Variants in ALK observed in about 807,000 individuals in gnomAD.
ALK encodes ALK tyrosine kinase receptor.
ALK carries 74 observed loss-of-function variants against 163.1 expected under a neutral mutation model. That is an observed-to-expected ratio of 0.45 (90% CI 0.38 to 0.55). The LOEUF is 0.55. Among genes scored for constraint, ALK ranks in the 20% least tolerant of loss-of-function variants. The probability of loss-of-function intolerance (pLI) is 0.00; values close to 1 mark genes in which losing one functional copy is unlikely to be tolerated. For synonymous variants in ALK, 960 were observed against 843.2 expected (o/e 1.14, Z -2.40); for missense variants, 2,063 against 2,105.3 (o/e 0.98, Z 0.39).
At chr2:29,418,216 C>G (rs544609580) in intron 4 of ALK, among the ~76,000 whole-genome samples, 1 of 152,284 alleles carries the variant, frequency 6.6e-6, no homozygotes, top group South Asian at 2.1e-4. Context: ...TCAGCCAGAC[C>G]AGAAAGCAGT....
At chr2:29,250,156 T>C (rs1664779664) in intron 12 of ALK, among the ~76,000 whole-genome samples, 1 of 152,130 alleles carries the variant, frequency 6.6e-6, no homozygotes, top group African/African-American at 2.4e-5. Flanking sequence ...CAAGGCATAG[T>C]GGTTTTGCTT....
At chr2:29,801,677 T>C (rs1417004857) in intron 1 of ALK, among the ~76,000 whole-genome samples, 2 of 152,232 alleles carry the variant, frequency 1.3e-5, no homozygotes, top group African/African-American at 4.8e-5. Context: ...TTCTTTCTTT[T>C]TCCAGGAGGA....
At chr2:29,484,403 G>T (rs1671733136) in intron 4 of ALK, among the ~76,000 whole-genome samples, 1 of 151,958 alleles carries the variant, frequency 6.6e-6, no homozygotes, top group African/African-American at 2.4e-5. Flanking sequence ...CTGGATCTGG[G>T]TCCTAGCATT....
At chr2:29,893,380 T>C (rs1411839218) in intron 1 of ALK, among the ~76,000 whole-genome samples, 2 of 152,238 alleles carry the variant, frequency 1.3e-5, no homozygotes, top group African/African-American at 4.8e-5. Flanking sequence ...TCATTTTATA[T>C]GTTCACCAGC....
chr2:29,855,176 C>G (rs1254737749), intron 1 of ALK, among the ~76,000 whole-genome samples: 1 of 152,236 alleles, frequency 6.6e-6, no homozygotes, highest in Non-Finnish European at 1.5e-5. Context: ...CATAAAGGAA[C>G]AAGCTAGCAC....
chr2:29,650,863 A>G (rs1677018121), intron 3 of ALK, among the ~76,000 whole-genome samples: 1 of 152,134 alleles, frequency 6.6e-6, no homozygotes, highest in East Asian at 1.9e-4. Flanking sequence ...GCTTGGTAAC[A>G]ATTAGCTCTT....
intron 1 of ALK, among the ~76,000 whole-genome samples, chr2:29,809,472 G>A (rs559699287): frequency 3.3e-5 from 5 of 152,340 alleles, no homozygotes; most frequent in East Asian, 1.9e-4. Context: ...TGGCAGAGTT[G>A]GATGTGAACT....
At chr2:29,837,477 G>A (rs974427580) in intron 1 of ALK, among the ~76,000 whole-genome samples, 1 of 152,102 alleles carries the variant, frequency 6.6e-6, no homozygotes, top group Non-Finnish European at 1.5e-5. Flanking sequence ...ATATCTACTA[G>A]AGAAAGAAAA....
intron 4 of ALK, among the ~76,000 whole-genome samples, chr2:29,500,325 C>A (rs1469467180): frequency 6.6e-6 from 1 of 152,054 alleles, no homozygotes; most frequent in Non-Finnish European, 1.5e-5. Flanking sequence ...GTGTGTGGCA[C>A]GTCCCTGCTA....
intron 3 of ALK, among the ~76,000 whole-genome samples, chr2:29,566,345 C>T (rs1674189576): frequency 6.6e-6 from 1 of 152,158 alleles, no homozygotes; most frequent in Non-Finnish European, 1.5e-5. Flanking sequence ...ATTTAAGATG[C>T]TAACAATAGT....
chr2:29,748,084 C>T (rs924042091), intron 1 of ALK, among the ~76,000 whole-genome samples: 5 of 152,134 alleles, frequency 3.3e-5, no homozygotes, highest in African/African-American at 1.2e-4. Context: ...TTTGGAAGGG[C>T]GGTCAAGTGG....
At chr2:29,343,812 A>T (rs1292326118) in intron 5 of ALK, among the ~76,000 whole-genome samples, 1 of 152,206 alleles carries the variant, frequency 6.6e-6, no homozygotes, top group Admixed American at 6.5e-5. Flanking sequence ...GGCAGATGGC[A>T]CAAAGGGCTG....
chr2:29,464,519 T>G (rs896346931), intron 4 of ALK, among the ~76,000 whole-genome samples: 2 of 152,130 alleles, frequency 1.3e-5, no homozygotes, highest in African/African-American at 4.8e-5. Flanking sequence ...GTGTGTGCCT[T>G]CATGTAAAGG....
chr2:29,213,371 T>C (rs896221034), intron 24 of ALK, among the ~76,000 whole-genome samples: 27 of 152,230 alleles, frequency 1.8e-4, no homozygotes, highest in African/African-American at 6.5e-4. Context: ...TTTCAGAGTA[T>C]TTTAGAAAAA....
At position 29,883,073 on chromosome 2, in the gene ALK, CAGAG is replaced by C. The variant is rs1051145289; in HGVS notation, c.667+36916_667+36919del. On this transcript the variant is annotated intron_variant, in intron 1 of 28. Transcript: ENST00000389048. ...AGCAGAGGGTGAGAGAGAGAGACGA[CAGAG>C]AGAGGAAGGGAGAGAGGAAGGAGGA... Among the ~76,000 whole-genome samples, 3 of 138,602 alleles carry C rather than the reference CAGAG, an allele frequency of 2.2e-5. No individual in the cohort carries two copies. The Admixed American group carries it at 2.3e-4, about 11-fold the overall frequency. The allele number at this position is 138,602 out of a possible 152,430, so 90.9% of individuals were successfully genotyped here. A position where few individuals can be genotyped will look rare whatever the true frequency, so the allele number is the denominator to read the frequency against.
chr2:29,692,588 G>A (rs990826447), intron 3 of ALK, among the ~76,000 whole-genome samples: 16 of 152,206 alleles, frequency 1.1e-4, no homozygotes, highest in African/African-American at 3.6e-4. Context: ...ATCACAATAG[G>A]ATTCATGTTC....
rs532359378 is a variant in ALK, at chr2:29,803,318, A to G, written c.668-85621T>C. 3.3e-5 allele frequency among the ~76,000 whole-genome samples: 5 copies of G among 152,362 alleles called. No homozygotes were observed. In the East Asian group the frequency reaches 9.6e-4, roughly 29 times the overall value. On this transcript the variant is annotated intron_variant, in intron 1 of 28. Transcript: ENST00000389048. ...ATGGGCCAGAAGAGATGAAGCTCCCACAAAGTATTATTGTAAAGCTGAATA... is the reference window on the plus strand; with the variant it reads ...ATGGGCCAGAAGAGATGAAGCTCCCGCAAAGTATTATTGTAAAGCTGAATA...
At chr2:29,489,780 T>C (rs1287113359) in intron 4 of ALK, among the ~76,000 whole-genome samples, 12 of 152,200 alleles carry the variant, frequency 7.9e-5, no homozygotes, top group Non-Finnish European at 5.9e-5. Flanking sequence ...TGCTGAGCCC[T>C]GGAAAGGCCT....
chr2:29,806,393 G>C (rs1029043237), intron 1 of ALK, among the ~76,000 whole-genome samples: 2 of 152,164 alleles, frequency 1.3e-5, no homozygotes, highest in Admixed American at 6.5e-5. Context: ...ATTTAGAAAA[G>C]AGAAAATGAG....
Sources: gnomAD v4.1 joint callset for allele counts (sites outside exome capture counted in the v4.1 genomes callset) on GRCh38, gnomAD v4.1.1 for gene constraint, MANE v1.5 for transcripts, NCBI Gene and HGNC (gene_info 2026-07-23, HGNC 2026-07-21) for gene names.